Variants in KIF21A observed in about 807,000 individuals in gnomAD.
KIF21A encodes the protein kinesin-like protein KIF21A.
In KIF21A, 114 loss-of-function variants were observed where a neutral mutation model predicts 202.9. The observed-to-expected ratio is 0.56, with a 90% CI of 0.48 to 0.66. KIF21A has a LOEUF of 0.66. Among genes scored for constraint, KIF21A ranks in the 30% least tolerant of loss-of-function variants. KIF21A has a pLI of 0.00. For missense variants in KIF21A, 1,677 were observed against 1,994.9 expected (o/e 0.84, Z 3.04); for synonymous variants, 667 against 670.8 (o/e 0.99, Z 0.09).
chr12:39,371,447 G>T (rs1949950228), intron 1 of KIF21A, among the ~76,000 whole-genome samples: 1 of 152,074 alleles, frequency 6.6e-6, no homozygotes, highest in Non-Finnish European at 1.5e-5. Flanking sequence ...TGTTTTCAAA[G>T]AAGAAAAGTA....
intron 26 of KIF21A, 127 bp downstream of exon 26, chr12:39,325,712 G>T: frequency 1.5e-6 from 1 of 686,750 alleles, no homozygotes. Flanking sequence ...ACTAAATAAA[G>T]AAGAGCTTTA....
rs375162004 is a variant in KIF21A at position 39,337,069 on chromosome 12, T to C, written c.2418+27A>G. The C allele has an allele frequency of 9.0e-6, 13 of 1,443,172 alleles. No homozygotes were observed. The African/African-American group carries it at 1.7e-4, about 19-fold the overall frequency. 89.4% of individuals were successfully genotyped at this position (1,443,172 alleles called of 1,614,324 possible). Reference sequence around the variant, plus strand: ...TCTTTTTCAACGTACAATTTTCTTATATAACTGAGAGTTAAAATCCACTTA... The same window carrying C: ...TCTTTTTCAACGTACAATTTTCTTACATAACTGAGAGTTAAAATCCACTTA... On this transcript the variant is annotated intron_variant, in intron 17 of 37. Transcript: ENST00000361418.
chr12:39,358,104 T>C, intron 8 of KIF21A, 74 bp downstream of exon 8: 1 of 1,229,404 alleles, frequency 8.1e-7, no homozygotes, highest in Non-Finnish European at 1.2e-6. Context: ...CACGTATGTG[T>C]AAGGCATTAT....
chr12:39,393,953 C>T (rs1214053757), intron 1 of KIF21A, among the ~76,000 whole-genome samples: 1 of 152,166 alleles, frequency 6.6e-6, no homozygotes, highest in African/African-American at 2.4e-5. Flanking sequence ...TAACTTGGAA[C>T]GCTGAGCTCA....
intron 27 of KIF21A, among the ~76,000 whole-genome samples, chr12:39,320,929 T>C (rs1592129711): frequency 1.6e-5 from 1 of 62,734 alleles, no homozygotes; most frequent in Non-Finnish European, 2.6e-5. Flanking sequence ...AGCAAGACTC[T>C]GCCAAAAAAA....
At position 39,322,815 on chromosome 12, in the gene KIF21A, G is replaced by C; in HGVS notation, c.3524C>G (p.Thr1175Ser). ...YADSSELASDTSTGDASLPGP... is the reference protein window; with the variant it reads ...YADSSELASDSSTGDASLPGP... The stretch of plus-strand genomic sequence containing the variant: ...AGGCAAGGAGGCATCTCCTGTACTA[G>C]TGTCTGAAGCTAGTTCACTGCTATC... The change falls in exon 27 of 38, where the codon ACT becomes AGT. Residue 1175 changes from threonine (T) to serine (S), a missense_variant. Physicochemically the swap from Thr to Ser is moderately conservative, Grantham distance 58 (BLOSUM62 1). Coordinates refer to ENST00000361418, the MANE Select transcript of KIF21A (RefSeq NM_001173464.2). 6.2e-7 allele frequency: 1 copy of C among 1,614,068 alleles called. No homozygotes were observed. The highest frequency in any genetic ancestry group is 8.5e-7 in the Non-Finnish European group (1 of 1,179,940).
rs1384340760 is a variant in KIF21A at position 39,368,768 on chromosome 12, T to C, written c.451-736A>G. On this transcript the variant is annotated intron_variant, in intron 3 of 37. Transcript: ENST00000361418. ...AAAAAAACTGATACTAATTTTTCTA[T>C]GTTGTGCTACATAAGGCTGAGGAAA... Among the ~76,000 whole-genome samples, 5 of 152,054 alleles carry C rather than the reference T, an allele frequency of 3.3e-5. No homozygotes were observed. The East Asian group carries it at 9.6e-4, about 29-fold the overall frequency.
intron 1 of KIF21A, among the ~76,000 whole-genome samples, chr12:39,396,264 G>A (rs1566144905): frequency 6.6e-6 from 1 of 152,002 alleles, no homozygotes; most frequent in East Asian, 1.9e-4. Context: ...TGGTTTGCTG[G>A]CTCTCTGATT....
intron 1 of KIF21A, among the ~76,000 whole-genome samples, chr12:39,393,904 T>TG: frequency 6.6e-6 from 1 of 152,176 alleles, no homozygotes; most frequent in East Asian, 1.9e-4. Context: ...ATTTTATTGA[T>TG]GAAGAACAAG....
intron 1 of KIF21A, among the ~76,000 whole-genome samples, chr12:39,375,232 T>A (rs1950197329): frequency 6.6e-6 from 1 of 152,178 alleles, no homozygotes; most frequent in African/African-American, 2.4e-5. Flanking sequence ...AGTTTTAAAA[T>A]AAAGTATTTT....
chr12:39,401,371 T>A (rs958332996), intron 1 of KIF21A, among the ~76,000 whole-genome samples: 1 of 152,166 alleles, frequency 6.6e-6, no homozygotes, highest in African/African-American at 2.4e-5. Context: ...ACTGGGAAAA[T>A]GGAGAAGTAA....
chr12:39,337,004 G>A, intron 17 of KIF21A, 92 bp downstream of exon 17: 1 of 796,332 alleles, frequency 1.3e-6, no homozygotes, highest in Non-Finnish European at 2.2e-6. Flanking sequence ...GCAATTAGTA[G>A]TTATGGTTAC....
chr12:39,390,766 T>C (rs996999206), intron 1 of KIF21A, among the ~76,000 whole-genome samples: 8 of 152,268 alleles, frequency 5.3e-5, no homozygotes, highest in African/African-American at 1.7e-4. Context: ...CAACAATATA[T>C]GTCATTCAAC....
intron 1 of KIF21A, among the ~76,000 whole-genome samples, chr12:39,417,018 T>C (rs1354546731): frequency 6.6e-6 from 1 of 151,712 alleles, no homozygotes; most frequent in Non-Finnish European, 1.5e-5. Context: ...TAACAGACTA[T>C]AGCACTAACT....
intron 16 of KIF21A, among the ~76,000 whole-genome samples, chr12:39,339,628 ATAAT>A (rs773217059): frequency 1.3e-5 from 2 of 152,226 alleles, no homozygotes; most frequent in Admixed American, 1.3e-4. Context: ...GATGTAAAGA[ATAAT>A]TAATCAAAAA....
chr12:39,315,102 C>T, intron 31 of KIF21A, 127 bp downstream of exon 31: 1 of 866,570 alleles, frequency 1.2e-6, no homozygotes, highest in Non-Finnish European at 1.9e-6. Context: ...TTAAATATGG[C>T]AAATTTGTAC....
chr12:39,395,783 A>G (rs916160443), intron 1 of KIF21A, among the ~76,000 whole-genome samples: 5 of 149,924 alleles, frequency 3.3e-5, no homozygotes, highest in African/African-American at 4.9e-5. Flanking sequence ...TGGAGGTTGC[A>G]GTGATCCAAG....
At chr12:39,314,555 A>G (rs1944331078) in intron 31 of KIF21A, among the ~76,000 whole-genome samples, 1 of 151,922 alleles carries the variant, frequency 6.6e-6, no homozygotes, top group African/African-American at 2.4e-5. Flanking sequence ...TAAGAAAACA[A>G]TTCATGTTAA....
rs1432993540 is a variant in KIF21A at position 39,341,439 on chromosome 12, G to C, written c.1921+66C>G. 2.7e-6 allele frequency: 4 copies of C among 1,481,292 alleles called. No homozygotes were observed. The East Asian group carries it at 9.0e-5, about 34-fold the overall frequency. The allele number at this position is 1,481,292 out of a possible 1,614,324, so 91.8% of individuals were successfully genotyped here. A position where few individuals can be genotyped will look rare whatever the true frequency, so the allele number is the denominator to read the frequency against. On this transcript the variant is annotated intron_variant, in intron 14 of 37. Coordinates refer to ENST00000361418, the MANE Select transcript of KIF21A (RefSeq NM_001173464.2). ...AAGTATGAAATAGAGAATGTTAAGA[G>C]TTTTCTGTCATGGTTTAAACAACTT...
Sources: allele counts gnomAD v4.1 joint callset (sites outside exome capture counted in the v4.1 genomes callset), GRCh38; gene constraint gnomAD v4.1.1; transcripts MANE v1.5; gene names NCBI Gene and HGNC (gene_info 2026-07-23, HGNC 2026-07-21).